Variants in DNAH17 observed in about 807,000 individuals in gnomAD.
The protein encoded by DNAH17 is axonemal beta dynein heavy chain 17.
A neutral mutation model predicts 485.6 loss-of-function variants in DNAH17; 376 were observed. The observed-to-expected ratio is 0.77, with a 90% CI of 0.71 to 0.84. The LOEUF is 0.84. Among genes scored for constraint, DNAH17 ranks in the 40% least tolerant of loss-of-function variants. The probability of loss-of-function intolerance (pLI) is 0.00; values close to 1 mark genes in which losing one functional copy is unlikely to be tolerated. For missense variants in DNAH17, 6,370 were observed against 5,839.3 expected (o/e 1.09, Z -2.96); for synonymous variants, 3,031 against 2,405.9 (o/e 1.26, Z -7.60).
intron 1 of DNAH17, among the ~76,000 whole-genome samples, chr17:78,576,041 A>AG (rs1413248378): frequency 6.6e-6 from 1 of 152,152 alleles, no homozygotes; most frequent in African/African-American, 2.4e-5. Context: ...CTGAATTTCA[A>AG]GGGGAACCCT....
chr17:78,559,884 C>G (rs980900886), intron 13 of DNAH17, among the ~76,000 whole-genome samples: 10 of 152,254 alleles, frequency 6.6e-5, no homozygotes, highest in African/African-American at 2.4e-4. Flanking sequence ...CTGGCCTTTT[C>G]TTTACCCGCA....
At chr17:78,503,093 A>G (rs2090356968) in intron 31 of DNAH17, 82 bp from the exon 32 acceptor site, 1 of 1,473,382 alleles carries the variant, frequency 6.8e-7, no homozygotes, top group East Asian at 2.6e-5. Context: ...TTTGTTGTAA[A>G]GAAAAACATT....
At chr17:78,535,002 C>T (rs188597104) in intron 19 of DNAH17, among the ~76,000 whole-genome samples, 2 of 152,312 alleles carry the variant, frequency 1.3e-5, no homozygotes, top group East Asian at 1.9e-4. Flanking sequence ...TCTTCCACAG[C>T]TTGGCACCAG....
intron 19 of DNAH17, among the ~76,000 whole-genome samples, chr17:78,534,523 C>A (rs1474402730): frequency 6.6e-6 from 1 of 152,200 alleles, no homozygotes; most frequent in East Asian, 1.9e-4. Flanking sequence ...CTGTGCCTGA[C>A]ATTTGGCTCC....
At chr17:78,453,570 G>T in intron 64 of DNAH17, 105 bp from the exon 65 acceptor site, 2 of 1,457,252 alleles carry the variant, frequency 1.4e-6, no homozygotes, top group Non-Finnish European at 1.9e-6. Flanking sequence ...ACAGCGCCAA[G>T]CGAGGGGTGA....
intron 24 of DNAH17, among the ~76,000 whole-genome samples, chr17:78,525,585 A>G (rs997389709): frequency 6.6e-6 from 1 of 152,258 alleles, no homozygotes; most frequent in Admixed American, 6.5e-5. Context: ...CATGACTAAG[A>G]GTTGGCCGTC....
intron 13 of DNAH17, among the ~76,000 whole-genome samples, chr17:78,558,611 T>C (rs1298223312): frequency 6.6e-6 from 1 of 152,156 alleles, no homozygotes; most frequent in Non-Finnish European, 1.5e-5. Context: ...GGGTGGATGA[T>C]GTCATCATTG....
intron 41 of DNAH17, 91 bp from the exon 42 acceptor site, chr17:78,492,856 T>TTTTTTTTTTTTC: frequency 1.2e-6 from 1 of 813,618 alleles, no homozygotes; most frequent in East Asian, 4.0e-5. Context: ...GCCTGGATGG[T>TTTTTTTTTTTTC]TTTTTTTTTT....
At position 78,569,195 on chromosome 17, in the gene DNAH17, A is replaced by G. The variant is rs754316375; in HGVS notation, c.1255T>C (p.Ser419Pro). The change falls in exon 9 of 81, where the codon TCC becomes CCC. Residue 419 changes from serine to proline, a missense_variant. Transcript: ENST00000389840. ...PSSLAFSRINSFFQRIQTIEE... is the reference protein window; with the variant it reads ...PSSLAFSRINPFFQRIQTIEE... ...ATGGTCTGGATGCGCTGGAAGAAGGAATTTATCCTGGAAAAGGCAAGAGAA... is the reference window on the plus strand; with the variant it reads ...ATGGTCTGGATGCGCTGGAAGAAGGGATTTATCCTGGAAAAGGCAAGAGAA... The G allele has an allele frequency of 3.1e-6, 5 of 1,607,958 alleles. No homozygotes were observed. In the Admixed American group the frequency reaches 8.5e-5, roughly 27 times the overall value.
chr17:78,516,613 C>T (rs1412502697), intron 25 of DNAH17, among the ~76,000 whole-genome samples: 1 of 150,128 alleles, frequency 6.7e-6, no homozygotes, highest in Non-Finnish European at 1.5e-5. Flanking sequence ...TCGCTTGAAC[C>T]TGGGAGGCAG....
intron 13 of DNAH17, among the ~76,000 whole-genome samples, chr17:78,560,210 CAGTA>C (rs2092122534): frequency 1.3e-5 from 2 of 152,260 alleles, no homozygotes; most frequent in East Asian, 3.9e-4. Context: ...AGTAGGTGCT[CAGTA>C]AGTATTTGGT....
chr17:78,472,834 C>CA (rs1367104769), intron 54 of DNAH17: 2 of 432,962 alleles, frequency 4.6e-6, no homozygotes, highest in Non-Finnish European at 9.5e-6. Context: ...CAGCTCCACC[C>CA]AGGTCACCCT....
At chr17:78,451,804 A>G (rs2087566308) in intron 65 of DNAH17, 131 bp from the exon 66 acceptor site, 2 of 709,156 alleles carry the variant, frequency 2.8e-6, no homozygotes, top group Non-Finnish European at 4.7e-6. Flanking sequence ...GGTCCCTGGA[A>G]GAGCACTGCA....
intron 11 of DNAH17, among the ~76,000 whole-genome samples, chr17:78,562,750 C>T (rs1270464896): frequency 6.6e-6 from 1 of 152,228 alleles, no homozygotes; most frequent in Non-Finnish European, 1.5e-5. Flanking sequence ...GGAAGCGTTC[C>T]TCTTAGGAAG....
Position 78,459,178 on chromosome 17 carries a change from G to A in DNAH17, c.9684C>T (p.Pro3228=), listed in dbSNP as rs762293246. 15 of 1,613,814 alleles carry A rather than the reference G, an allele frequency of 9.3e-6. No homozygotes were observed. The highest frequency in any genetic ancestry group is 2.2e-5 in the East Asian group (1 of 44,898). Reference sequence around the variant, plus strand: ...CCGTGGACTTGGAGCGGATGAACTCGGGGTCGAACGTCGGGTTGCCTTGGT... The same window carrying A: ...CCGTGGACTTGGAGCGGATGAACTCAGGGTCGAACGTCGGGTTGCCTTGGT... ...KPYQGNPTFD[P]EFIRSKSTAA... The change falls in exon 61 of 81, where the codon CCC becomes CCT. Residue 3228 remains proline, a synonymous_variant. Transcript: ENST00000389840.
Position 78,437,628 on chromosome 17 carries a change from G to A in DNAH17, c.12033+13C>T. On this transcript the variant is annotated intron_variant, in intron 74 of 80. Transcript: ENST00000389840. ...ATGGGATGGGGAGGCAGCCCGAGCA[G>A]GCGTGGCCCTACCTGGGTGAACAGG... The A allele has an allele frequency of 6.3e-7, 1 of 1,594,948 alleles. No homozygotes were observed. The highest frequency in any genetic ancestry group is 1.1e-5 in the South Asian group (1 of 88,696).
At chr17:78,472,270 G>T (rs1053847847) in intron 54 of DNAH17, among the ~76,000 whole-genome samples, 4 of 149,486 alleles carry the variant, frequency 2.7e-5, no homozygotes, top group Non-Finnish European at 5.9e-5. Flanking sequence ...GGGTTAGGGA[G>T]TAGGGGTGCG....
Position 78,426,952 on chromosome 17 carries a change from G to A in DNAH17, c.12745C>T (p.Leu4249Phe). The change falls in exon 78 of 81, where the codon CTC becomes TTC. Residue 4249 changes from leucine (L) to phenylalanine (F), a missense_variant. Physicochemically the swap from Leu to Phe is conservative, Grantham distance 22. Transcript: ENST00000389840. ...NILTNEMRRS[L>F]KELNLGLKGE... Reference sequence around the variant, plus strand: ...TTCAGCCCCAGGTTCAGCTCCTTGAGCGAACGGCGCATTTCGTTGGTCAGG... The same window carrying A: ...TTCAGCCCCAGGTTCAGCTCCTTGAACGAACGGCGCATTTCGTTGGTCAGG... 1 of 1,608,920 alleles carries A rather than the reference G, an allele frequency of 6.2e-7. No homozygotes were observed. Among genetic ancestry groups the A allele is most frequent in the Non-Finnish European group, 8.5e-7 (1 of 1,177,666 alleles).
Position 78,425,488 on chromosome 17 carries a change from C to CG in DNAH17, c.12998dup (p.Ala4334GlyfsTer60). On this transcript the variant is annotated frameshift_variant, in exon 80 of 81. Coordinates refer to ENST00000389840, the MANE Select transcript of DNAH17 (RefSeq NM_173628.4). LOFTEE classifies it high-confidence loss of function. ...TCCTGGCCATGGACTGCATGATGGC[C>CG]GTGAGGAACGACTGGGGGTTGAAGA... 6.2e-7 allele frequency: 1 copy of CG among 1,613,840 alleles called. No individual in the cohort carries two copies. Among genetic ancestry groups the CG allele is most frequent in the African/African-American group, 1.3e-5 (1 of 75,016 alleles).
Sources: allele counts gnomAD v4.1 joint callset (sites outside exome capture counted in the v4.1 genomes callset), GRCh38; gene constraint gnomAD v4.1.1; transcripts MANE v1.5; gene names NCBI Gene and HGNC (gene_info 2026-07-23, HGNC 2026-07-21).